The following PDE10A variants were observed in gnomAD, a reference collection of about 807,000 sequenced individuals.
The protein encoded by PDE10A is phosphodiesterase 10A.
In PDE10A, 39 loss-of-function variants were observed where a neutral mutation model predicts 97.7. The ratio of observed to expected loss-of-function variants is 0.40; its 90% CI spans 0.31 to 0.52. The LOEUF is 0.52. Ranked by LOEUF, PDE10A falls within the 20% of genes least tolerant of loss-of-function variation. The pLI, the probability that PDE10A is intolerant of heterozygous loss-of-function variation, is 0.56. For missense variants in PDE10A, 731 were observed against 1,047.8 expected (o/e 0.70, Z 4.17); for synonymous variants, 371 against 376.8 (o/e 0.98, Z 0.18).
chr6:165,639,996 G>A (rs1789054861), intron 1 of PDE10A, among the ~76,000 whole-genome samples: 1 of 151,664 alleles, frequency 6.6e-6, no homozygotes, highest in East Asian at 1.9e-4. Flanking sequence ...CCTGAGCCCA[G>A]GAGGTTGAGG....
At chr6:165,337,761 C>T (rs1255796525) in intron 20 of PDE10A, among the ~76,000 whole-genome samples, 1 of 152,064 alleles carries the variant, frequency 6.6e-6, no homozygotes, top group African/African-American at 2.4e-5. Context: ...AGAGCAAAAC[C>T]CATATGCTGA....
rs1270182696 is a variant in PDE10A, at chr6:165,758,539, G to A, written c.-614-214971C>T. Among the ~76,000 whole-genome samples the A allele has an allele frequency of 8.4e-5, 12 of 142,590 alleles. No individual in the cohort carries two copies. In the East Asian group the frequency reaches 2.3e-3, roughly 28 times the overall value. 93.5% of individuals were successfully genotyped at this position (142,590 alleles called of 152,430 possible). On this transcript the variant is annotated intron_variant, in intron 1 of 19. Transcript: ENST00000366882. ...AAGAAGAAGAAGAAGAAGAGGAAGA[G>A]GAAGAGGAAGAAGAAGAGGAAGAGG... is the stretch of plus-strand genomic sequence containing the variant.
chr6:165,624,616 T>C (rs1430957277), intron 1 of PDE10A, among the ~76,000 whole-genome samples: 1 of 152,196 alleles, frequency 6.6e-6, no homozygotes, highest in Non-Finnish European at 1.5e-5. Context: ...TTTTAAGTCC[T>C]AATCTTGTAC....
chr6:165,391,787 G>T (rs930227113), intron 16 of PDE10A, among the ~76,000 whole-genome samples: 5 of 152,120 alleles, frequency 3.3e-5, no homozygotes, highest in Non-Finnish European at 5.9e-5. Flanking sequence ...GGTCCAATAG[G>T]ATGGAAAAGG....
chr6:165,873,503 GTTTAC>G (rs144294492), intron 1 of PDE10A, among the ~76,000 whole-genome samples: 8,276 of 152,186 alleles, frequency 0.054, 249 homozygotes, highest in Middle Eastern at 0.12. Flanking sequence ...AAAGGCAACT[GTTTAC>G]TTTAATTCAA....
At chr6:165,612,423 C>T (rs544958473) in intron 1 of PDE10A, among the ~76,000 whole-genome samples, 2 of 152,082 alleles carry the variant, frequency 1.3e-5, no homozygotes, top group South Asian at 2.1e-4. Context: ...GTCACCTAGG[C>T]TGGAGCGCAG....
At chr6:165,645,509 C>T (rs1245417453) in intron 1 of PDE10A, among the ~76,000 whole-genome samples, 3 of 152,122 alleles carry the variant, frequency 2.0e-5, no homozygotes, top group Non-Finnish European at 2.9e-5. Flanking sequence ...GACACGCAAG[C>T]ACATTAAATC....
chr6:165,874,472 G>A (rs1341304485), intron 1 of PDE10A, among the ~76,000 whole-genome samples: 3 of 152,156 alleles, frequency 2.0e-5, no homozygotes, highest in Admixed American at 6.6e-5. Context: ...TTTATTCTAC[G>A]AATTTATTTC....
Position 165,953,857 on chromosome 6 carries a change from C to T in PDE10A, c.-615+33672G>A, listed in dbSNP as rs114736837. On this transcript the variant is annotated intron_variant, in intron 1 of 19. Transcript: ENST00000366882. ...CAAGTACATAGTGACCTGTATCCAC[C>T]ATTTGAGTAACATGCAAAATGGTTG... Among the ~76,000 whole-genome samples the T allele has an allele frequency of 1.4e-3, 213 of 152,302 alleles. 1 individual carries two copies. Among genetic ancestry groups the T allele is most frequent in the African/African-American group, 4.7e-3 (195 of 41,578 alleles).
rs145218769 is a variant in PDE10A, at chr6:165,609,221, C to T, written c.865+52726G>A. On this transcript the variant is annotated intron_variant, in intron 1 of 21. Transcript: ENST00000539869. ...TGAATGGTACTGCCTAGGTTCTAAACGCAATCCAGCATATAAACAGAACCA... is the reference window on the plus strand; with the variant it reads ...TGAATGGTACTGCCTAGGTTCTAAATGCAATCCAGCATATAAACAGAACCA... 1.2e-4 allele frequency among the ~76,000 whole-genome samples: 19 copies of T among 152,242 alleles called. No homozygotes were observed. The East Asian group carries it at 2.3e-3, about 19-fold the overall frequency.
chr6:165,586,031 A>C (rs890116174), intron 1 of PDE10A, among the ~76,000 whole-genome samples: 1 of 152,164 alleles, frequency 6.6e-6, no homozygotes, highest in African/African-American at 2.4e-5. Context: ...CAGTTCACCA[A>C]TGTATAGTCA....
intron 1 of PDE10A, among the ~76,000 whole-genome samples, chr6:165,653,782 G>A (rs574617776): frequency 5.7e-4 from 86 of 152,186 alleles, no homozygotes; most frequent in African/African-American, 1.9e-3. Context: ...TCCCCACACC[G>A]TGCCCTCTGG....
chr6:165,333,096 G>A lies in PDE10A; in HGVS notation c.3097C>T (p.Arg1033Ter), dbSNP rs141939882. Residue 1033 changes from arginine to a stop codon, truncating the protein, a stop_gained, in exon 22 of 22, where the codon CGA becomes TGA. Transcript: ENST00000539869. LOFTEE classifies it low-confidence loss of function (END_TRUNC). ...ATCCAGGTTGCAGTCTCCTCCCCTC[G>A]AATCACCTTCTCCCACTGACTGAGA... ...DNLSQWEKVI[R>*]GEETATWISS... 3.7e-6 allele frequency: 6 copies of A among 1,610,424 alleles called. No individual in the cohort carries two copies. Among genetic ancestry groups the A allele is most frequent in the South Asian group, 1.1e-5 (1 of 91,008 alleles).
chr6:165,838,249 C>G (rs1365396423), intron 1 of PDE10A, among the ~76,000 whole-genome samples: 1 of 152,284 alleles, frequency 6.6e-6, no homozygotes, highest in Admixed American at 6.5e-5. Context: ...TACTGAAAAG[C>G]CCACATTAAT....
intron 1 of PDE10A, among the ~76,000 whole-genome samples, chr6:165,557,806 T>C (rs991293769): frequency 6.6e-6 from 1 of 152,188 alleles, no homozygotes; most frequent in Non-Finnish European, 1.5e-5. Context: ...GTATTTTGTT[T>C]TAGGATGAAT....
intron 13 of PDE10A, among the ~76,000 whole-genome samples, chr6:165,399,020 CTT>C (rs1786415994): frequency 6.6e-6 from 1 of 152,010 alleles, no homozygotes; most frequent in Non-Finnish European, 1.5e-5. Flanking sequence ...AAAGTTACGA[CTT>C]TATTAATAAT....
chr6:165,649,061 A>C (rs2128424297), intron 1 of PDE10A, among the ~76,000 whole-genome samples: 1 of 152,320 alleles, frequency 6.6e-6, no homozygotes, highest in South Asian at 2.1e-4. Flanking sequence ...GAACTAGGTG[A>C]GTGCACACTG....
intron 4 of PDE10A, among the ~76,000 whole-genome samples, chr6:165,449,332 AT>A (rs935322746): frequency 2.0e-5 from 3 of 152,206 alleles, no homozygotes; most frequent in African/African-American, 4.8e-5. Flanking sequence ...CACAAGTGAT[AT>A]TTATAATATT....
intron 1 of PDE10A, among the ~76,000 whole-genome samples, chr6:165,863,673 A>T (rs556590672): frequency 1.3e-5 from 2 of 152,356 alleles, no homozygotes; most frequent in South Asian, 4.1e-4. Flanking sequence ...AGTTAGTCAT[A>T]CAATACTTCA....
Sources: allele counts gnomAD v4.1 joint callset (sites outside exome capture counted in the v4.1 genomes callset), GRCh38; gene constraint gnomAD v4.1.1; transcripts MANE v1.5; gene names NCBI Gene and HGNC (gene_info 2026-07-23, HGNC 2026-07-21).